ZNF334: variants seen among roughly 807,000 people sequenced by gnomAD.
ZNF334 encodes the protein zinc finger protein 334.
ZNF334 carries 14 observed loss-of-function variants against 12.4 expected under a neutral mutation model. That is an observed-to-expected ratio of 1.13 (90% CI 0.74 to 1.76). The LOEUF (loss-of-function observed/expected upper bound fraction) is 1.76, where lower values mean the gene tolerates loss of function less well. Ranked by LOEUF, ZNF334 falls within the 40% of genes most tolerant of loss-of-function variation. ZNF334 has a pLI of 0.00. For synonymous variants in ZNF334, 273 were observed against 269.6 expected, an observed-to-expected ratio of 1.01 and a Z score of -0.12; for missense variants, 797 against 804.5, an observed-to-expected ratio of 0.99 and a Z score of 0.11.
In ZNF334 at chr20:46,504,755, T is replaced by A. The variant is rs748832803; in HGVS notation, c.22-15A>T. The A allele has an allele frequency of 2.5e-6, 4 of 1,593,326 alleles. No homozygotes were observed. Among genetic ancestry groups the A allele is most frequent in the Non-Finnish European group, 3.4e-6 (4 of 1,171,588 alleles). ...GAAACTGGTATCTGAAAGAAAATGT[T>A]TAATCTTGGGTGACCAAAATTGAGT... On this transcript the variant is annotated splice_polypyrimidine_tract_variant and intron_variant, in intron 2 of 4. Coordinates refer to ENST00000692313, the MANE Select transcript of ZNF334 (RefSeq NM_001353824.2).
chr20:46,509,630 C>T (rs2061570641), intron 2 of ZNF334: 1 of 702,910 alleles, frequency 1.4e-6, no homozygotes, highest in South Asian at 1.5e-5. Flanking sequence ...CATTTCCCTT[C>T]ATTCAAGGTT....
intron 2 of ZNF334, chr20:46,506,100 A>T (rs2145974170): frequency 2.7e-6 from 1 of 372,868 alleles, no homozygotes; most frequent in East Asian, 3.9e-5. Context: ...GAAGGCACTG[A>T]TCTTTACCAT....
At chr20:46,498,598 TGA>T (rs1422723438), downstream of ZNF334, among the ~76,000 whole-genome samples, 2 of 151,950 alleles carry the variant, frequency 1.3e-5, no homozygotes, top group African/African-American at 4.8e-5. Context: ...ACAAAAACAA[TGA>T]GATAGTAAAT....
chr20:46,470,424 C>T, the ZNF334 span, among the ~76,000 whole-genome samples: 1 of 152,148 alleles, frequency 6.6e-6, no homozygotes, highest in African/African-American at 2.4e-5. Context: ...AGGAAACTAC[C>T]CTGAGATGTG....
the ZNF334 span, among the ~76,000 whole-genome samples, chr20:46,480,494 A>G: frequency 3.3e-5 from 5 of 152,094 alleles, no homozygotes; most frequent in African/African-American, 9.7e-5. Context: ...TATCTCAGAG[A>G]TTGAAGTGGA....
intron 3 of ZNF334, 62 bp from the exon 4 acceptor site, chr20:46,504,368 T>G (rs745349187): frequency 6.9e-7 from 1 of 1,441,758 alleles, no homozygotes; most frequent in Non-Finnish European, 9.7e-7. Flanking sequence ...CTCTGAAGAA[T>G]GAAGAAAGTA....
rs773645198 is a variant in ZNF334, at chr20:46,502,316, C to T, written c.1023G>A (p.Arg341=). 3.7e-6 allele frequency: 6 copies of T among 1,613,954 alleles called. No individual in the cohort carries two copies. Among genetic ancestry groups the T allele is most frequent in the Non-Finnish European group, 2.5e-6 (3 of 1,180,020 alleles). Reference sequence around the variant, plus strand: ...CGTAAGGCTTCTCCCCTGTGTGTGACCTGAAATGTTCAGCCAGGGCTGACT... The same window carrying T: ...CGTAAGGCTTCTCCCCTGTGTGTGATCTGAAATGTTCAGCCAGGGCTGACT... The part of the protein sequence containing the change: ...FRKSALAEHF[R]SHTGEKPYEC... The change falls in exon 5 of 5, where the codon AGG becomes AGA. Residue 341 remains arginine (R), a synonymous_variant. Coordinates refer to ENST00000692313, the MANE Select transcript of ZNF334 (RefSeq NM_001353824.2).
chr20:46,501,295 C>CT lies in ZNF334; in HGVS notation c.2043dup. Reference sequence around the variant, plus strand: ...GTTGGAATTTATTACTTTGTTGGAACTTATTCCTTGTGGGATTTCTGATGT... The same window carrying CT: ...GTTGGAATTTATTACTTTGTTGGAACTTTATTCCTTGTGGGATTTCTGATGT... On this transcript the variant is annotated 3_prime_UTR_variant, in exon 5 of 5. Coordinates refer to ENST00000692313, the MANE Select transcript of ZNF334 (RefSeq NM_001353824.2). 1 of 1,607,530 alleles carries CT rather than the reference C, an allele frequency of 6.2e-7. No homozygotes were observed.
chr20:46,478,739 G>A, the ZNF334 span, among the ~76,000 whole-genome samples: 4 of 152,192 alleles, frequency 2.6e-5, no homozygotes, highest in Non-Finnish European at 5.9e-5. Flanking sequence ...TTTGTGCAGG[G>A]GAACACTTAA....
At chr20:46,497,226 A>G (rs1427565077), downstream of ZNF334, among the ~76,000 whole-genome samples, 1 of 152,218 alleles carries the variant, frequency 6.6e-6, no homozygotes, top group East Asian at 1.9e-4. Context: ...GTCTGCCCCA[A>G]GCATGAGGAG....
the ZNF334 span, among the ~76,000 whole-genome samples, chr20:46,489,705 A>G: frequency 6.6e-6 from 1 of 151,362 alleles, no homozygotes; most frequent in Non-Finnish European, 1.5e-5. Flanking sequence ...AACTGTTCCC[A>G]CTTTGTCCCT....
At chr20:46,470,726 GA>G in the ZNF334 span, among the ~76,000 whole-genome samples, 2 of 152,078 alleles carry the variant, frequency 1.3e-5, no homozygotes, top group Non-Finnish European at 2.9e-5. Flanking sequence ...CAGATAAATG[GA>G]AAAACACTTT....
the ZNF334 span, among the ~76,000 whole-genome samples, chr20:46,462,705 G>C: frequency 6.6e-6 from 1 of 152,186 alleles, no homozygotes; most frequent in Non-Finnish European, 1.5e-5. Context: ...GGCAGAGCTA[G>C]CACTGCTATA....
In ZNF334 at chr20:46,501,891, T is replaced by C. The variant is rs751091211; in HGVS notation, c.1448A>G (p.His483Arg). The C allele has an allele frequency of 6.2e-7, 1 of 1,614,148 alleles. No homozygotes were observed. Among genetic ancestry groups the C allele is most frequent in the Non-Finnish European group, 8.5e-7 (1 of 1,180,026 alleles). ...KSTLTIHQRT[H>R]TGEKHGVFNK... ...AAACACACCATGTTTCTCTCCTGTG[T>C]GTGTTCTCTGATGTATAGTGAGTGT... The change falls in exon 5 of 5, where the codon CAC becomes CGC. Residue 483 changes from histidine (H) to arginine (R), a missense_variant. Coordinates refer to ENST00000692313, the MANE Select transcript of ZNF334 (RefSeq NM_001353824.2).
chr20:46,512,276 G>A, intron 1 of ZNF334, 136 bp from the exon 2 acceptor site: 2 of 599,664 alleles, frequency 3.3e-6, no homozygotes, highest in Non-Finnish European at 5.9e-6. Context: ...AACATGTTGA[G>A]GAAACGTTCA....
At chr20:46,465,153 C>T in the ZNF334 span, 11 of 213,942 alleles carry the variant, frequency 5.1e-5, no homozygotes, top group South Asian at 8.2e-4. Context: ...GCTACTGCCA[C>T]TCCTTCTTCC....
Position 46,501,136 on chromosome 20 carries a change from A to G in ZNF334, c.*160T>C. 2 of 757,082 alleles carry G rather than the reference A, an allele frequency of 2.6e-6. No homozygotes were observed. The highest frequency in any genetic ancestry group is 4.1e-6 in the Non-Finnish European group (2 of 489,752). 46.9% of individuals were successfully genotyped at this position (757,082 alleles called of 1,614,324 possible). A position where few individuals can be genotyped will look rare whatever the true frequency, so the allele number is the denominator to read the frequency against. ...ATTAAACAAATTATTTCTTTCCTAC[A>G]TGATTTCTCTGATGTTACATTGAGG... is the stretch of plus-strand genomic sequence containing the variant. On this transcript the variant is annotated 3_prime_UTR_variant, in exon 5 of 5. Coordinates refer to ENST00000692313, the MANE Select transcript of ZNF334 (RefSeq NM_001353824.2).
At chr20:46,499,172 TCAAAAAAAA>T (rs1488292513), downstream of ZNF334, among the ~76,000 whole-genome samples, 1 of 40,764 alleles carries the variant, frequency 2.5e-5, no homozygotes, top group African/African-American at 1.1e-4. Context: ...AGACTCCGTC[TCAAAAAAAA>T]AAAAAAAAAA....
In ZNF334 at chr20:46,512,174, G is replaced by A; in HGVS notation, c.-38-34C>T. ...GGAAGAATGGCGAATGGAATCATGA[G>A]CGATTTGGCTCACACAGCAGCTCTA... On this transcript the variant is annotated intron_variant, in intron 1 of 4. Coordinates refer to ENST00000692313, the MANE Select transcript of ZNF334 (RefSeq NM_001353824.2). 7 of 1,559,288 alleles carry A rather than the reference G, an allele frequency of 4.5e-6. No individual in the cohort carries two copies. In the South Asian group the frequency reaches 7.8e-5, roughly 17 times the overall value.
Sources: allele counts gnomAD v4.1 joint callset (sites outside exome capture counted in the v4.1 genomes callset), GRCh38; gene constraint gnomAD v4.1.1; transcripts MANE v1.5; gene names NCBI Gene and HGNC (gene_info 2026-07-23, HGNC 2026-07-21).